ZP3: variants seen among roughly 807,000 people sequenced by gnomAD.
ZP3 encodes the protein zona pellucida sperm-binding protein 3.
In ZP3, 21 loss-of-function variants were observed where a neutral mutation model predicts 35.6. The observed-to-expected ratio is 0.59, with a 90% confidence interval of 0.42 to 0.85. The LOEUF (loss-of-function observed/expected upper bound fraction) is 0.85. ZP3 is among the 40% of genes least tolerant of loss of function. The pLI is 0.00. For synonymous variants in ZP3, 207 were observed against 214.5 expected (o/e 0.96, Z 0.31); for missense variants, 437 against 536.5 (o/e 0.81, Z 1.83).
In ZP3 at chr7:76,433,498, C is replaced by A. The variant is rs1286272879; in HGVS notation, c.564C>A (p.Pro188=). The A allele has an allele frequency of 1.2e-6, 2 of 1,613,908 alleles. No individual in the cohort carries two copies. Among genetic ancestry groups the A allele is most frequent in the East Asian group, 2.2e-5 (1 of 44,862 alleles). Residue 188 remains proline (P), a synonymous_variant, in exon 4 of 8, where the codon CCC becomes CCA. Coordinates refer to ENST00000394857, the MANE Select transcript of ZP3 (RefSeq NM_001110354.2). The part of the protein sequence containing the change: ...EENWNAEKRS[P]TFHLGDAAHL... ...ACTGGAACGCTGAGAAGAGGTCCCC[C>A]ACCTTCCACCTGGGAGATGCAGCCC... is the stretch of plus-strand genomic sequence containing the variant.
At chr7:76,441,199 C>G (rs1584078036) in intron 7 of ZP3, among the ~76,000 whole-genome samples, 1 of 151,588 alleles carries the variant, frequency 6.6e-6, no homozygotes, top group South Asian at 2.1e-4. Context: ...CTGGCCAGAA[C>G]AGTGGGTTGT....
chr7:76,426,770 C>A (rs1020215705), intron 1 of ZP3, among the ~76,000 whole-genome samples: 1 of 151,690 alleles, frequency 6.6e-6, no homozygotes. Context: ...GCAATGGCGC[C>A]TATAATCCCA....
At chr7:76,423,032 A>AG (rs1805552667), upstream of ZP3, among the ~76,000 whole-genome samples, 4 of 109,668 alleles carry the variant, frequency 3.6e-5, no homozygotes, top group South Asian at 6.0e-4. Flanking sequence ...AGAGAGAAAG[A>AG]AAGAAAGAAA....
At chr7:76,430,516 A>G (rs1475356698) in intron 2 of ZP3, among the ~76,000 whole-genome samples, 11 of 152,024 alleles carry the variant, frequency 7.2e-5, no homozygotes, top group Admixed American at 3.9e-4. Flanking sequence ...TGGGCAGCTC[A>G]CGAGGTAAGG....
intron 1 of ZP3, among the ~76,000 whole-genome samples, chr7:76,409,132 C>A (rs1805146761): frequency 6.6e-6 from 1 of 151,980 alleles, no homozygotes; most frequent in Non-Finnish European, 1.5e-5. Flanking sequence ...GGGTGGAAAC[C>A]AGATCTCATT....
At chr7:76,403,952 C>T (rs751241922) in intron 1 of ZP3, among the ~76,000 whole-genome samples, 1 of 152,112 alleles carries the variant, frequency 6.6e-6, no homozygotes, top group East Asian at 1.9e-4. Flanking sequence ...TGTGAGTCAC[C>T]GAGCCCGGCC....
intron 5 of ZP3, among the ~76,000 whole-genome samples, chr7:76,435,180 T>G (rs1051503315): frequency 6.6e-6 from 1 of 152,130 alleles, no homozygotes; most frequent in African/African-American, 2.4e-5. Context: ...CCCCCTCTAC[T>G]AAAAATACAA....
chr7:76,425,017 AG>A lies in ZP3; in HGVS notation c.54del (p.Glu18AspfsTer34), dbSNP rs774781857. The A allele has an allele frequency of 6.3e-7, 1 of 1,580,618 alleles. No individual in the cohort carries two copies. The highest frequency in any genetic ancestry group is 1.1e-5 in the South Asian group (1 of 87,656). On this transcript the variant is annotated frameshift_variant, in exon 1 of 8. Coordinates refer to ENST00000394857, the MANE Select transcript of ZP3 (RefSeq NM_001110354.2). LOFTEE classifies it high-confidence loss of function. ...FICLLLWGST[E>X]LCYPQPLWLL... ...TGCCTCCTGCTCTGGGGTAGTACTGAGCTGTGCTACCCCCAACCCCTCTGGC... is the reference window on the plus strand; with the variant it reads ...TGCCTCCTGCTCTGGGGTAGTACTGACTGTGCTACCCCCAACCCCTCTGGC...
chr7:76,417,387 T>C (rs927701424), intron 1 of ZP3, among the ~76,000 whole-genome samples: 2 of 151,724 alleles, frequency 1.3e-5, no homozygotes, highest in African/African-American at 4.8e-5. Context: ...TTGCATCCCT[T>C]ACTGTGCAAA....
intron 2 of ZP3, among the ~76,000 whole-genome samples, chr7:76,432,034 T>C (rs1256406366): frequency 1.3e-5 from 2 of 151,340 alleles, no homozygotes; most frequent in African/African-American, 2.4e-5. Flanking sequence ...GGTTTTTTGT[T>C]TAAAAAAAAA....
chr7:76,433,558 G>A lies in ZP3; in HGVS notation c.624G>A (p.Val208=), dbSNP rs775915687. ...CAGAAATCCACACTGGCAGCCACGTGCCACTGCGGTTGTTTGTGGACCACT... is the reference window on the plus strand; with the variant it reads ...CAGAAATCCACACTGGCAGCCACGTACCACTGCGGTTGTTTGTGGACCACT... ...LQAEIHTGSH[V]PLRLFVDHCV... The change falls in exon 4 of 8, where the codon GTG becomes GTA. Residue 208 remains valine, a synonymous_variant. Transcript: ENST00000394857. 15 of 1,614,176 alleles carry A rather than the reference G, an allele frequency of 9.3e-6. No homozygotes were observed. In the East Asian group the frequency reaches 3.1e-4, roughly 34 times the overall value.
chr7:76,436,655 G>A (rs1329769589), intron 5 of ZP3, among the ~76,000 whole-genome samples: 1 of 152,254 alleles, frequency 6.6e-6, no homozygotes, highest in African/African-American at 2.4e-5. Context: ...CTCAGTGGTG[G>A]GCCCTGCTTC....
intron 1 of ZP3, among the ~76,000 whole-genome samples, chr7:76,414,329 T>A (rs1316044925): frequency 6.6e-6 from 1 of 151,996 alleles, no homozygotes; most frequent in African/African-American, 2.4e-5. Flanking sequence ...AAGCAAAAAA[T>A]TTTAGTACCT....
At chr7:76,405,824 C>G (rs928347817) in intron 1 of ZP3, among the ~76,000 whole-genome samples, 1 of 152,048 alleles carries the variant, frequency 6.6e-6, no homozygotes, top group Non-Finnish European at 1.5e-5. Flanking sequence ...CAAACCATGA[C>G]CAGCCCAAGG....
At chr7:76,415,363 T>TTAAAAAAAAAAAAA (rs1390715638) in intron 1 of ZP3, among the ~76,000 whole-genome samples, 3 of 24,272 alleles carry the variant, frequency 1.2e-4, no homozygotes, top group Non-Finnish European at 2.1e-4. Flanking sequence ...AGACTCCGTC[T>TTAAAAAAAAAAAAA]CAAAAAAAAA....
chr7:76,432,549 C>T (rs1283835007), intron 2 of ZP3, among the ~76,000 whole-genome samples: 2 of 152,112 alleles, frequency 1.3e-5, no homozygotes, highest in Admixed American at 1.3e-4. Context: ...CTCCTAGCCT[C>T]AGGCAATCCT....
At chr7:76,423,736 C>A (rs1563695930), upstream of ZP3, among the ~76,000 whole-genome samples, 2 of 151,902 alleles carry the variant, frequency 1.3e-5, no homozygotes, top group South Asian at 2.1e-4. Context: ...GTGGAACAAG[C>A]CTGTAATCCC....
chr7:76,423,067 G>GAAAGAAACAAAGAAAGAAAC (rs1554624528), upstream of ZP3, among the ~76,000 whole-genome samples: 457 of 143,418 alleles, frequency 3.2e-3, 9 homozygotes, highest in African/African-American at 0.012. Flanking sequence ...AAGAAAGAAA[G>GAAAGAAACAAAGAAAGAAAC]AAAGAAAGAA....
At chr7:76,400,704 C>T in intron 1 of ZP3, 1 of 1,215,168 alleles carries the variant, frequency 8.2e-7, no homozygotes, top group South Asian at 1.7e-5. Context: ...GACGGGGTCT[C>T]ACTATGTTGC....
Sources: gnomAD v4.1 joint callset for allele counts (sites outside exome capture counted in the v4.1 genomes callset) on GRCh38, gnomAD v4.1.1 for gene constraint, MANE v1.5 for transcripts, NCBI Gene and HGNC (gene_info 2026-07-23, HGNC 2026-07-21) for gene names.